Variants in TGFBR3 observed in about 807,000 individuals in gnomAD.
The protein encoded by TGFBR3 is transforming growth factor beta receptor type 3.
A neutral mutation model predicts 87.9 loss-of-function variants in TGFBR3; 46 were observed. The observed-to-expected ratio is 0.52, with a 90% CI of 0.41 to 0.67. The LOEUF is 0.67. Among genes scored for constraint, TGFBR3 ranks in the 30% least tolerant of loss-of-function variants. TGFBR3 has a pLI of 0.00. For synonymous variants in TGFBR3, 381 were observed against 391.6 expected, an observed-to-expected ratio of 0.97 and a Z score of 0.32; for missense variants, 866 against 1,041.9, an observed-to-expected ratio of 0.83 and a Z score of 2.32.
intron 2 of TGFBR3, among the ~76,000 whole-genome samples, chr1:91,799,615 C>T (rs1337160966): frequency 6.6e-6 from 1 of 152,206 alleles, no homozygotes; most frequent in African/African-American, 2.4e-5. Flanking sequence ...GAGCCTCCTG[C>T]CATGAATTTA....
At chr1:91,902,586 T>C (rs1489860616) in intron 1 of TGFBR3, among the ~76,000 whole-genome samples, 2 of 151,876 alleles carry the variant, frequency 1.3e-5, no homozygotes, top group East Asian at 3.9e-4. Flanking sequence ...CCCAGCCAAG[T>C]GCAGTTTATT....
intron 10 of TGFBR3, 105 bp downstream of exon 10, chr1:91,719,207 G>A (rs1020177021): frequency 6.7e-7 from 1 of 1,486,112 alleles, no homozygotes; most frequent in Admixed American, 1.8e-5. Flanking sequence ...TTCAGGCCTG[G>A]GGTGAAAACC....
chr1:91,888,850 C>G (rs557343073), upstream of TGFBR3, among the ~76,000 whole-genome samples: 1 of 152,264 alleles, frequency 6.6e-6, no homozygotes, highest in African/African-American at 2.4e-5. Context: ...CCATCAACAT[C>G]TGAGCCAGCG....
intron 7 of TGFBR3, among the ~76,000 whole-genome samples, chr1:91,724,231 G>A (rs1339760415): frequency 8.7e-4 from 132 of 152,248 alleles, no homozygotes; most frequent in African/African-American, 2.9e-3. Context: ...AGGGAGGAAA[G>A]AAACAAAGAG....
At chr1:91,685,861 T>C (rs1671075488) in intron 16 of TGFBR3, among the ~76,000 whole-genome samples, 1 of 152,198 alleles carries the variant, frequency 6.6e-6, no homozygotes, top group East Asian at 1.9e-4. Context: ...ACTCTAGATA[T>C]ACTTTAAGAA....
At chr1:91,739,817 G>A (rs1472791914) in intron 4 of TGFBR3, among the ~76,000 whole-genome samples, 4 of 152,190 alleles carry the variant, frequency 2.6e-5, no homozygotes, top group African/African-American at 7.2e-5. Context: ...ATGGCTGGGA[G>A]GCCTCAGGAA....
intron 3 of TGFBR3, among the ~76,000 whole-genome samples, chr1:91,783,734 T>C (rs747413462): frequency 1.3e-5 from 2 of 152,168 alleles, no homozygotes; most frequent in Non-Finnish European, 2.9e-5. Flanking sequence ...GAAAAAGCCA[T>C]ATTAAACAGG....
rs183837873 is a variant in TGFBR3 at position 91,833,831 on chromosome 1, C to T, written c.61+27640G>A. The stretch of plus-strand genomic sequence containing the variant: ...GAATCAAGATATCCCAAGGAATATC[C>T]CAGTGAGATCTGACCTAAATATATG... On this transcript the variant is annotated intron_variant, in intron 2 of 16. Transcript: ENST00000212355. Among the ~76,000 whole-genome samples the T allele has an allele frequency of 4.1e-3, 620 of 150,934 alleles. 4 individuals carry two copies. Among genetic ancestry groups the T allele is most frequent in the African/African-American group, 0.015 (603 of 41,182 alleles).
intron 2 of TGFBR3, among the ~76,000 whole-genome samples, chr1:91,899,375 G>A (rs1044016951): frequency 3.3e-5 from 5 of 152,216 alleles, no homozygotes; most frequent in African/African-American, 9.6e-5. Context: ...GTATGGTGGC[G>A]TGCACTGGTA....
chr1:91,712,160 A>C (rs549629287), intron 13 of TGFBR3, 83 bp downstream of exon 13: 2 of 1,340,194 alleles, frequency 1.5e-6, no homozygotes, highest in East Asian at 2.5e-5. Flanking sequence ...AAAAACCTCA[A>C]CCTGCAAGAC....
chr1:91,752,066 T>G (rs1330281955), intron 4 of TGFBR3, among the ~76,000 whole-genome samples: 1 of 152,112 alleles, frequency 6.6e-6, no homozygotes, highest in African/African-American at 2.4e-5. Flanking sequence ...TATAACTAGT[T>G]AGTGGCAGAG....
intron 2 of TGFBR3, among the ~76,000 whole-genome samples, chr1:91,807,196 C>A (rs546777072): frequency 1.4e-3 from 219 of 152,306 alleles, no homozygotes; most frequent in African/African-American, 5.1e-3. Context: ...GCGCTTCTAC[C>A]ACAGCTCCTA....
At chr1:91,885,624 G>C (rs1679268093) in intron 1 of TGFBR3, among the ~76,000 whole-genome samples, 1 of 152,162 alleles carries the variant, frequency 6.6e-6, no homozygotes, top group African/African-American at 2.4e-5. Context: ...CCCCAGCACT[G>C]CGCATCGCCG....
At chr1:91,769,488 C>T (rs892741262) in intron 3 of TGFBR3, among the ~76,000 whole-genome samples, 9 of 152,140 alleles carry the variant, frequency 5.9e-5, no homozygotes, top group Non-Finnish European at 1.0e-4. Context: ...CACCTGGCCA[C>T]CCCACTTCCT....
chr1:91,719,176 G>T, intron 10 of TGFBR3, 136 bp downstream of exon 10: 1 of 1,169,932 alleles, frequency 8.5e-7, no homozygotes, highest in Non-Finnish European at 1.2e-6. Context: ...CCATTTTGTT[G>T]AGAACTGACA....
Position 91,708,710 on chromosome 1 carries a change from G to A in TGFBR3, c.2240C>T (p.Thr747Met), listed in dbSNP as rs373781090. The A allele has an allele frequency of 5.0e-6, 8 of 1,613,910 alleles. No individual in the cohort carries two copies. The highest frequency in any genetic ancestry group is 2.2e-5 in the East Asian group (1 of 44,886). Reference protein sequence around the residue: ...IIWAMMQNKKTFTKPLAVIHH... With the variant: ...IIWAMMQNKKMFTKPLAVIHH... ...GATCACAGCAAGGGGCTTAGTGAAC[G>A]TCTTCTTATTCTGCATCATGGCCCA... is the stretch of plus-strand genomic sequence containing the variant. Residue 747 changes from threonine (T) to methionine (M), a missense_variant, in exon 14 of 17, where the codon ACG becomes ATG. By Grantham distance (81) the Thr-to-Met change is moderately conservative. Transcript: ENST00000212355.
rs184469336 is a variant in TGFBR3, at chr1:91,842,188, C to A, written c.61+19283G>T. Among the ~76,000 whole-genome samples, 410 of 152,148 alleles carry A rather than the reference C, an allele frequency of 2.7e-3. 3 individuals carry two copies. The highest frequency in any genetic ancestry group is 9.6e-3 in the African/African-American group (399 of 41,530). On this transcript the variant is annotated intron_variant, in intron 2 of 16. Coordinates refer to ENST00000212355, the MANE Select transcript of TGFBR3 (RefSeq NM_003243.5). ...ACTAACTTGACTCTCACGGAGCTTA[C>A]ATTTTAGTGGGGGAAGATAAATAAT...
At chr1:91,819,802 G>A (rs4658275) in intron 2 of TGFBR3, among the ~76,000 whole-genome samples, 81,030 of 151,968 alleles carry the variant, frequency 0.53, 21,744 homozygotes, top group Middle Eastern at 0.63. Flanking sequence ...GATTTCATTA[G>A]TTCAAAGATA....
intron 3 of TGFBR3, among the ~76,000 whole-genome samples, chr1:91,788,924 G>A (rs1428036921): frequency 6.6e-6 from 1 of 152,164 alleles, no homozygotes; most frequent in East Asian, 1.9e-4. Flanking sequence ...GGCAACAGTA[G>A]TACAGGTCAG....
Sources: gnomAD v4.1 joint callset for allele counts (sites outside exome capture counted in the v4.1 genomes callset) on GRCh38, gnomAD v4.1.1 for gene constraint, MANE v1.5 for transcripts, NCBI Gene and HGNC (gene_info 2026-07-23, HGNC 2026-07-21) for gene names.